The following PITRM1 variants were observed in gnomAD, a reference collection of about 807,000 sequenced individuals.
PITRM1 encodes pitrilysin metallopeptidase 1, also known as presequence protease, mitochondrial.
In PITRM1, 100 loss-of-function variants were observed where a neutral mutation model predicts 129.9. That is an observed-to-expected ratio of 0.77 (90% confidence interval 0.65 to 0.91). The LOEUF is 0.91. PITRM1 is among the 40% of genes least tolerant of loss of function. The pLI is 0.00. For synonymous variants in PITRM1, 591 were observed against 508.8 expected (o/e 1.16, Z -2.17); for missense variants, 1,471 against 1,318.3 (o/e 1.12, Z -1.79).
At chr10:3,153,991 T>C (rs938911930) in intron 14 of PITRM1, among the ~76,000 whole-genome samples, 1 of 152,192 alleles carries the variant, frequency 6.6e-6, no homozygotes, top group African/African-American at 2.4e-5. Flanking sequence ...CACCACATCA[T>C]AGTACTGGGC....
At chr10:3,139,183 G>A in intron 24 of PITRM1, 134 bp from the exon 25 acceptor site, 1 of 758,698 alleles carries the variant, frequency 1.3e-6, no homozygotes, top group Non-Finnish European at 2.2e-6. Context: ...AGTCCAAACA[G>A]CCCACTGACA....
intron 14 of PITRM1, among the ~76,000 whole-genome samples, chr10:3,152,379 G>C (rs575005335): frequency 5.3e-5 from 8 of 152,112 alleles, no homozygotes; most frequent in Admixed American, 2.0e-4. Flanking sequence ...CTCAGTCCCC[G>C]CAGACAGCAC....
chr10:3,145,949 G>A, intron 20 of PITRM1: 1 of 512,760 alleles, frequency 2.0e-6, no homozygotes, highest in South Asian at 2.2e-5. Context: ...TCCATACGCG[G>A]AGCCTGTGAC....
In PITRM1 at chr10:3,148,168, T is replaced by G; in HGVS notation, c.1992+3A>C. The stretch of plus-strand genomic sequence containing the variant: ...CAGCAGTCGTCTGACGGTACCAGGC[T>G]ACCTGCTCGTAGGTGTCCATGTGTG... On this transcript the variant is annotated splice_donor_region_variant and intron_variant, in intron 17 of 26. Transcript: ENST00000224949. 1 of 1,613,912 alleles carries G rather than the reference T, an allele frequency of 6.2e-7. No individual in the cohort carries two copies. The highest frequency in any genetic ancestry group is 8.5e-7 in the Non-Finnish European group (1 of 1,179,808).
At position 3,148,355 on chromosome 10, in the gene PITRM1, C is replaced by T. The variant is rs939034228; in HGVS notation, c.1872-64G>A. ...GTCTTTACTGAATCATTTTTAAAAT[C>T]GTGCATCTTGAGTTACAAGTTGCTT... On this transcript the variant is annotated intron_variant, in intron 16 of 26. Coordinates refer to ENST00000224949, the MANE Select transcript of PITRM1 (RefSeq NM_014889.4). 9 of 1,524,452 alleles carry T rather than the reference C, an allele frequency of 5.9e-6. No individual in the cohort carries two copies. In the Admixed American group the frequency reaches 6.4e-5, roughly 11 times the overall value. 94.4% of individuals were successfully genotyped at this position (1,524,452 alleles called of 1,614,324 possible).
intron 7 of PITRM1, among the ~76,000 whole-genome samples, chr10:3,161,279 CA>C (rs1842420331): frequency 1.3e-5 from 2 of 152,164 alleles, no homozygotes; most frequent in Non-Finnish European, 2.9e-5. Flanking sequence ...ACCCTAGGTA[CA>C]GTAATATAGT....
At chr10:3,146,636 G>C (rs912320378) in intron 20 of PITRM1, 1 of 152,734 alleles carries the variant, frequency 6.5e-6, no homozygotes, top group Non-Finnish European at 1.5e-5. Context: ...AGAAGGACAA[G>C]TGACTTCAGC....
At chr10:3,158,220 T>C in intron 10 of PITRM1, 67 bp from the exon 11 acceptor site, 1 of 882,944 alleles carries the variant, frequency 1.1e-6, no homozygotes, top group South Asian at 1.4e-5. Flanking sequence ...CGTAATATGC[T>C]TGATTTAAAG....
In PITRM1 at chr10:3,162,346, A is replaced by G. The variant is rs567743391; in HGVS notation, c.791+1379T>C. Among the ~76,000 whole-genome samples, 18 of 152,332 alleles carry G rather than the reference A, an allele frequency of 1.2e-4. No individual in the cohort carries two copies. In the South Asian group the frequency reaches 3.3e-3, roughly 28 times the overall value. On this transcript the variant is annotated intron_variant, in intron 7 of 26. Transcript: ENST00000224949. The stretch of plus-strand genomic sequence containing the variant: ...GAGCTCTTCTTTGAAGAAGTCCAGC[A>G]AACAAATGAAGAAGTTACAGAACTA...
At chr10:3,139,908 C>T (rs970391236) in intron 24 of PITRM1, among the ~76,000 whole-genome samples, 75 of 152,186 alleles carry the variant, frequency 4.9e-4, no homozygotes, top group Admixed American at 4.1e-3. Flanking sequence ...TTTACAGTAA[C>T]GGTGTTATGT....
At chr10:3,157,193 AAG>A (rs1842048195) in intron 12 of PITRM1, 129 bp from the exon 13 acceptor site, 1 of 915,744 alleles carries the variant, frequency 1.1e-6, no homozygotes, top group Non-Finnish European at 1.6e-6. Context: ...TTTATAACAA[AAG>A]TCATGTAATT....
rs878979743 is a variant in PITRM1 at position 3,165,275 on chromosome 10, A to C, written c.593T>G (p.Phe198Cys). Residue 198 changes from phenylalanine (F) to cysteine (C), a missense_variant, in exon 6 of 27, where the codon TTT becomes TGT. Physicochemically the swap from Phe to Cys is radical, Grantham distance 205. Transcript: ENST00000224949. ...NPSDPQTPLV[F>C]KGVVFNEMKG... ...CATCTCATTAAAGACGACTCCTTTA[A>C]AGACCAAGGGCGTCTGGGGGTCGCT... is the stretch of plus-strand genomic sequence containing the variant. 7.6e-6 allele frequency: 12 copies of C among 1,583,738 alleles called. No homozygotes were observed. The highest frequency in any genetic ancestry group is 9.4e-6 in the Non-Finnish European group (11 of 1,165,364).
chr10:3,146,023 G>C (rs1840826620), intron 20 of PITRM1: 1 of 307,258 alleles, frequency 3.3e-6, no homozygotes, highest in Admixed American at 4.7e-5. Context: ...TGCTAACCGT[G>C]CCTTCGGAAT....
chr10:3,160,539 T>TA (rs1842359500), intron 7 of PITRM1, among the ~76,000 whole-genome samples: 1 of 152,094 alleles, frequency 6.6e-6, no homozygotes, highest in South Asian at 2.1e-4. Flanking sequence ...TATATTGTTA[T>TA]AATTGTTCTA....
intron 2 of PITRM1, among the ~76,000 whole-genome samples, chr10:3,168,668 T>G (rs1217877595): frequency 6.6e-6 from 1 of 152,136 alleles, no homozygotes; most frequent in East Asian, 1.9e-4. Flanking sequence ...CCCCCTTCAC[T>G]TGATCCTCAT....
chr10:3,149,743 G>T lies in PITRM1; in HGVS notation c.1749C>A (p.Ile583=), dbSNP rs776153053. 3 of 1,613,538 alleles carry T rather than the reference G, an allele frequency of 1.9e-6. No homozygotes were observed. Among genetic ancestry groups the T allele is most frequent in the Non-Finnish European group, 2.5e-6 (3 of 1,179,794 alleles). The change falls in exon 16 of 27, where the codon ATC becomes ATA. Residue 583 remains isoleucine (I), a synonymous_variant. Transcript: ENST00000224949. ...ELDVVLTAGD[I]PVQYCAQPTN... Reference sequence around the variant, plus strand: ...TGGGCTGGGCGCAGTACTGAACAGGGATATCTCCAGCTAGAAAAACAAAAG... The same window carrying T: ...TGGGCTGGGCGCAGTACTGAACAGGTATATCTCCAGCTAGAAAAACAAAAG...
chr10:3,147,685 G>C lies in PITRM1; in HGVS notation c.2122C>G (p.Gln708Glu). 6.2e-7 allele frequency: 1 copy of C among 1,613,126 alleles called. No homozygotes were observed. The highest frequency in any genetic ancestry group is 8.5e-7 in the Non-Finnish European group (1 of 1,179,550). ...HFKVLVKMTA[Q>E]ELANGIPDSG... ...TCAGGAATTCCATTGGCGAGCTCCT[G>C]GGCGGTCATCTTCACCAGCACCTTG... Residue 708 changes from glutamine to glutamate, a missense_variant, in exon 19 of 27, where the codon CAG becomes GAG. Transcript: ENST00000224949.
rs77781053 is a variant in PITRM1 at position 3,170,162 on chromosome 10, C to G, written c.101G>C (p.Cys34Ser). 1.2e-6 allele frequency: 2 copies of G among 1,613,932 alleles called. No homozygotes were observed. The highest frequency in any genetic ancestry group is 2.7e-5 in the African/African-American group (2 of 74,950). Residue 34 changes from cysteine (C) to serine (S), a missense_variant, in exon 2 of 27, where the codon TGT (cysteine) becomes TCT (serine). Coordinates refer to ENST00000224949, the MANE Select transcript of PITRM1 (RefSeq NM_014889.4). ...TAGTTTATACTGCAGAGCCCTCTCA[C>G]AAGCCCGGTTACTGTTCCATCGCCA... Reference protein sequence around the residue: ...RAWRWNSNRACERALQYKLGD... With the variant: ...RAWRWNSNRASERALQYKLGD...
chr10:3,157,302 G>A, intron 12 of PITRM1, 133 bp downstream of exon 12: 1 of 637,976 alleles, frequency 1.6e-6, no homozygotes, highest in Non-Finnish European at 2.6e-6. Context: ...ATAACCAACA[G>A]ATTACTAGTT....
Sources: allele counts gnomAD v4.1 joint callset (sites outside exome capture counted in the v4.1 genomes callset), GRCh38; gene constraint gnomAD v4.1.1; transcripts MANE v1.5; gene names NCBI Gene and HGNC (gene_info 2026-07-23, HGNC 2026-07-21).